Variants in RCBTB2 observed in about 807,000 individuals in gnomAD.
RCBTB2 encodes the protein RCC1 and BTB domain containing protein 2.
In RCBTB2, 55 loss-of-function variants were observed where a neutral mutation model predicts 65.4. The observed-to-expected ratio is 0.84, with a 90% CI of 0.68 to 1.05. The LOEUF is 1.05. Among genes scored for constraint, RCBTB2 ranks in the 50% least tolerant of loss-of-function variants. The pLI is 0.00. For synonymous variants in RCBTB2, 220 were observed against 255.2 expected, an observed-to-expected ratio of 0.86 and a Z score of 1.31; for missense variants, 599 against 680.1, an observed-to-expected ratio of 0.88 and a Z score of 1.33.
chr13:48,522,263 AT>A, intron 3 of RCBTB2, 44 bp downstream of exon 3: 1 of 1,238,638 alleles, frequency 8.1e-7, no homozygotes, highest in Non-Finnish European at 1.1e-6. Flanking sequence ...GAAAATTTTC[AT>A]TTCAGAGTTG....
At chr13:48,532,914 G>C (rs983421960) in intron 1 of RCBTB2, 114 bp downstream of exon 1, 1 of 447,338 alleles carries the variant, frequency 2.2e-6, no homozygotes, top group African/African-American at 2.0e-5. Flanking sequence ...CTCTGGCGGG[G>C]AGGTCGGGCC....
rs1268751220 is a variant in RCBTB2 at position 48,489,467 on chromosome 13, A to C, written c.*644T>G. 1 of 152,288 alleles carries C rather than the reference A, an allele frequency of 6.6e-6. No homozygotes were observed. Among genetic ancestry groups the C allele is most frequent in the African/African-American group, 2.4e-5 (1 of 41,472 alleles). 9.4% of individuals were successfully genotyped at this position (152,288 alleles called of 1,614,324 possible). A position where few individuals can be genotyped will look rare whatever the true frequency, so the allele number is the denominator to read the frequency against. ...TCCAAGTAAAAAGAAAATTAAAATT[A>C]GCCCTTGGGCCTTGACAATTTAATT... On this transcript the variant is annotated 3_prime_UTR_variant, in exon 15 of 15. Coordinates refer to ENST00000344532, the MANE Select transcript of RCBTB2 (RefSeq NM_001268.4).
upstream of RCBTB2, chr13:48,535,563 T>G (rs1240127028): frequency 2.3e-6 from 1 of 426,800 alleles, no homozygotes; most frequent in Non-Finnish European, 4.7e-6. Context: ...GCCCTCCTAT[T>G]CATTCTTGAA....
At chr13:48,527,341 TATATATATATGATATATATTTATATATG>T (rs1951822950) in intron 1 of RCBTB2, among the ~76,000 whole-genome samples, 2 of 124,168 alleles carry the variant, frequency 1.6e-5, no homozygotes, top group African/African-American at 9.9e-5. Context: ...ATATATGATA[TATATATATATGATATATATTTATATATG>T]ATATATATAT....
chr13:48,497,636 T>C (rs1426522809), intron 13 of RCBTB2, among the ~76,000 whole-genome samples: 1 of 152,234 alleles, frequency 6.6e-6, no homozygotes, highest in African/African-American at 2.4e-5. Context: ...TAACTTTTCA[T>C]GCAAGGTACT....
chr13:48,498,092 G>A (rs1950058147), intron 13 of RCBTB2, among the ~76,000 whole-genome samples: 1 of 152,192 alleles, frequency 6.6e-6, no homozygotes, highest in African/African-American at 2.4e-5. Context: ...CCACCAATGT[G>A]CAGACCCCCT....
At chr13:48,496,368 G>A in intron 13 of RCBTB2, 47 bp from the exon 14 acceptor site, 1 of 1,478,304 alleles carries the variant, frequency 6.8e-7, no homozygotes, top group African/African-American at 1.4e-5. Context: ...CAAGCATCCT[G>A]ATTTACAGTT....
At position 48,512,161 on chromosome 13, in the gene RCBTB2, C is replaced by T; in HGVS notation, c.530G>A (p.Gly177Asp). Residue 177 changes from glycine to aspartate, a missense_variant, in exon 8 of 15, where the codon GGT becomes GAT. Coordinates refer to ENST00000344532, the MANE Select transcript of RCBTB2 (RefSeq NM_001268.4). ...LTSDGEVFAW[G>D]YNNSGQVGSG... is the part of the protein sequence containing the mutation. Reference sequence around the variant, plus strand: ...TCCTACCTGCCCAGAGTTATTATAACCCCAGGCAAATACCTGTTTAAAGGA... The same window carrying T: ...TCCTACCTGCCCAGAGTTATTATAATCCCAGGCAAATACCTGTTTAAAGGA... The T allele has an allele frequency of 6.2e-7, 1 of 1,613,202 alleles. No individual in the cohort carries two copies. Among genetic ancestry groups the T allele is most frequent in the Non-Finnish European group, 8.5e-7 (1 of 1,179,290 alleles).
chr13:48,492,204 G>A (rs79694885), intron 14 of RCBTB2, among the ~76,000 whole-genome samples: 1,940 of 152,016 alleles, frequency 0.013, 47 homozygotes, highest in African/African-American at 0.045. Context: ...TCCCCACCAC[G>A]TCTCCTTGCC....
At chr13:48,493,327 T>A (rs868389088) in intron 14 of RCBTB2, among the ~76,000 whole-genome samples, 1,690 of 124,956 alleles carry the variant, frequency 0.014, 65 homozygotes, top group African/African-American at 0.065. Context: ...TCTCTCTCTC[T>A]CTCTCTCTCT....
chr13:48,499,760 T>A lies in RCBTB2; in HGVS notation c.1245A>T (p.Arg415=). The A allele has an allele frequency of 6.2e-7, 1 of 1,614,058 alleles. No homozygotes were observed. The highest frequency in any genetic ancestry group is 8.5e-7 in the Non-Finnish European group (1 of 1,179,962). The change falls in exon 13 of 15, where the codon CGA becomes CGT. Residue 415 remains arginine, a splice_region_variant and synonymous_variant. Transcript: ENST00000344532. ...IYAHKVLLKI[R]CEHFRSSLED... ...CCAATGACGAACGAAAATGCTCACA[T>A]CTGAAGGAAAAAAGCAGTATGTCAG...
chr13:48,506,397 T>C (rs1470468604), intron 10 of RCBTB2, among the ~76,000 whole-genome samples: 2 of 152,222 alleles, frequency 1.3e-5, no homozygotes, highest in African/African-American at 4.8e-5. Context: ...AAGACTGACC[T>C]GGCCACAGTG....
Position 48,502,807 on chromosome 13 carries a change from G to A in RCBTB2, c.1034C>T (p.Pro345Leu), listed in dbSNP as rs747653932. Residue 345 changes from proline (P) to leucine (L), a missense_variant, in exon 11 of 15, where the codon CCG (proline) becomes CTG (leucine). By Grantham distance (98) the Pro-to-Leu change is moderately conservative. Coordinates refer to ENST00000344532, the MANE Select transcript of RCBTB2 (RefSeq NM_001268.4). The stretch of plus-strand genomic sequence containing the variant: ...AGTGCAGGAGAAGTGGGTGAGGTGC[G>A]GGAGGATCACGGACTGACCCCGGCA... ...GQCRGQSVIL[P>L]HLTHFSCTDD... 17 of 1,614,196 alleles carry A rather than the reference G, an allele frequency of 1.1e-5. No individual in the cohort carries two copies. Among genetic ancestry groups the A allele is most frequent in the South Asian group, 5.5e-5 (5 of 91,086 alleles).
chr13:48,500,835 C>T (rs186582750), intron 12 of RCBTB2, among the ~76,000 whole-genome samples: 6 of 152,290 alleles, frequency 3.9e-5, no homozygotes, highest in Non-Finnish European at 8.8e-5. Flanking sequence ...AAATCCACCC[C>T]CCTTCTTTCA....
chr13:48,513,887 C>T (rs1950940817), intron 6 of RCBTB2, among the ~76,000 whole-genome samples: 1 of 152,168 alleles, frequency 6.6e-6, no homozygotes, highest in Non-Finnish European at 1.5e-5. Flanking sequence ...TTCTAAGACT[C>T]TCGTACTGAA....
chr13:48,533,580 G>T (rs1481807525), upstream of RCBTB2, among the ~76,000 whole-genome samples: 2 of 152,280 alleles, frequency 1.3e-5, no homozygotes, highest in Admixed American at 6.5e-5. Context: ...GCCCCCTGTA[G>T]TACAAATGCT....
At chr13:48,518,531 T>A (rs1425753907) in intron 4 of RCBTB2, among the ~76,000 whole-genome samples, 2 of 148,678 alleles carry the variant, frequency 1.3e-5, no homozygotes, top group Non-Finnish European at 3.0e-5. Flanking sequence ...CACAGGCATT[T>A]CCTACAGGAC....
intron 7 of RCBTB2, among the ~76,000 whole-genome samples, 190 bp from the exon 8 acceptor site, chr13:48,512,364 G>A (rs1301925424): frequency 6.6e-6 from 1 of 152,142 alleles, no homozygotes; most frequent in African/African-American, 2.4e-5. Flanking sequence ...ATACAATTAG[G>A]TTATTGGTGT....
intron 11 of RCBTB2, 92 bp downstream of exon 11, chr13:48,502,632 T>A: frequency 1.6e-6 from 2 of 1,252,884 alleles, no homozygotes; most frequent in Non-Finnish European, 2.2e-6. Flanking sequence ...ATTATGATAG[T>A]GCACCTAACA....
Sources: gnomAD v4.1 joint callset for allele counts (sites outside exome capture counted in the v4.1 genomes callset) on GRCh38, gnomAD v4.1.1 for gene constraint, MANE v1.5 for transcripts, NCBI Gene and HGNC (gene_info 2026-07-23, HGNC 2026-07-21) for gene names.